The following CPEB3 variants were observed in gnomAD, a reference collection of about 807,000 sequenced individuals.
CPEB3 encodes the protein cytoplasmic polyadenylation element binding protein 3.
CPEB3 carries 20 observed loss-of-function variants against 67.2 expected under a neutral mutation model. That is an observed-to-expected ratio of 0.30 (90% confidence interval 0.21 to 0.43). CPEB3 has a LOEUF of 0.43. CPEB3 is among the 20% of genes least tolerant of loss of function. The pLI is 1.00. For missense variants in CPEB3, 746 were observed against 968.6 expected (o/e 0.77, Z 3.05); for synonymous variants, 376 against 393.1 (o/e 0.96, Z 0.51).
At chr10:92,228,446 T>C (rs1851092170) in intron 2 of CPEB3, among the ~76,000 whole-genome samples, 1 of 152,172 alleles carries the variant, frequency 6.6e-6, no homozygotes, top group Non-Finnish European at 1.5e-5. Flanking sequence ...CATTTACCTC[T>C]CGTCTCCTTT....
At chr10:92,095,600 A>ATAT (rs377039483) in intron 7 of CPEB3, among the ~76,000 whole-genome samples, 17,061 of 122,746 alleles carry the variant, frequency 0.14, 1,243 homozygotes, top group Non-Finnish European at 0.17. Flanking sequence ...ATATATATAT[A>ATAT]TTTTTTTTTT....
In CPEB3 at chr10:92,180,910, C is replaced by T. The variant is rs1210829472; in HGVS notation, c.1222+53G>A. 4 of 915,068 alleles carry T rather than the reference C, an allele frequency of 4.4e-6. No homozygotes were observed. The African/African-American group carries it at 6.5e-5, about 15-fold the overall frequency. 56.7% of individuals were successfully genotyped at this position (915,068 alleles called of 1,614,324 possible). On this transcript the variant is annotated intron_variant, in intron 4 of 9. Coordinates refer to ENST00000265997, the MANE Select transcript of CPEB3 (RefSeq NM_014912.5). ...CCAACAATCAAGAATGTAGAAACTA[C>T]ATGCTGCAAACTTGACTGCTAATTT...
At chr10:92,144,572 A>G (rs1846590873) in intron 5 of CPEB3, among the ~76,000 whole-genome samples, 2 of 152,156 alleles carry the variant, frequency 1.3e-5, no homozygotes, top group African/African-American at 4.8e-5. Context: ...GCCAGTATTT[A>G]TATTAAAATG....
At chr10:92,281,175 A>G (rs1436182674) in intron 1 of CPEB3, among the ~76,000 whole-genome samples, 1 of 151,504 alleles carries the variant, frequency 6.6e-6, no homozygotes, top group Admixed American at 6.6e-5. Context: ...CATTTCTTCA[A>G]ATAATTTTTT....
intron 2 of CPEB3, among the ~76,000 whole-genome samples, chr10:92,227,498 A>ACCT (rs1851034665): frequency 6.6e-6 from 1 of 152,242 alleles, no homozygotes; most frequent in Admixed American, 6.5e-5. Flanking sequence ...CTATATGGGT[A>ACCT]ACAAAAATAC....
chr10:92,277,722 C>T lies in CPEB3; in HGVS notation c.-12+13204G>A, dbSNP rs973392430. On this transcript the variant is annotated intron_variant, in intron 1 of 9. Transcript: ENST00000265997. The stretch of plus-strand genomic sequence containing the variant: ...CGTGGCCAACATGGTGAAACCCCAC[C>T]TCTACTAAAAATACAAAAATCAGCC... Among the ~76,000 whole-genome samples the T allele has an allele frequency of 2.0e-5, 3 of 151,956 alleles. No individual in the cohort carries two copies. In the East Asian group the frequency reaches 5.8e-4, roughly 29 times the overall value.
chr10:92,277,127 C>T (rs1428227838), intron 1 of CPEB3, among the ~76,000 whole-genome samples: 1 of 151,986 alleles, frequency 6.6e-6, no homozygotes, highest in Non-Finnish European at 1.5e-5. Flanking sequence ...TTATCCTTTC[C>T]AGCAAAAAAA....
intron 7 of CPEB3, 38 bp downstream of exon 7, chr10:92,111,038 T>C (rs754409665): frequency 7.6e-7 from 1 of 1,316,146 alleles, no homozygotes; most frequent in Admixed American, 1.7e-5. Context: ...ATAGCATATG[T>C]GCTCTGGAAA....
At chr10:92,164,921 A>G (rs1847665067) in intron 4 of CPEB3, among the ~76,000 whole-genome samples, 1 of 152,160 alleles carries the variant, frequency 6.6e-6, no homozygotes, top group Admixed American at 6.6e-5. Context: ...GTTTTCTACT[A>G]ATTATTACAC....
At chr10:92,111,904 G>A (rs1844762850) in intron 6 of CPEB3, among the ~76,000 whole-genome samples, 1 of 152,066 alleles carries the variant, frequency 6.6e-6, no homozygotes. Flanking sequence ...ACAATAAGCT[G>A]GTGTGCTTTT....
chr10:92,223,010 G>A (rs920474181), intron 2 of CPEB3, among the ~76,000 whole-genome samples: 14 of 152,122 alleles, frequency 9.2e-5, no homozygotes, highest in African/African-American at 3.4e-4. Flanking sequence ...TAAAAGGATG[G>A]CAGGTTTCAT....
At chr10:92,123,131 T>C (rs966406157) in intron 6 of CPEB3, among the ~76,000 whole-genome samples, 8 of 152,198 alleles carry the variant, frequency 5.3e-5, no homozygotes, top group Admixed American at 2.0e-4. Flanking sequence ...GGTAATCTAC[T>C]TCCTGTGTTC....
chr10:92,079,669 A>C (rs1843062981), intron 9 of CPEB3, among the ~76,000 whole-genome samples: 1 of 152,238 alleles, frequency 6.6e-6, no homozygotes, highest in African/African-American at 2.4e-5. Context: ...TTTTGATCGG[A>C]TACATGTCTT....
At chr10:92,273,280 T>G (rs368298539) in intron 1 of CPEB3, among the ~76,000 whole-genome samples, 11 of 152,206 alleles carry the variant, frequency 7.2e-5, no homozygotes, top group Non-Finnish European at 5.9e-5. Context: ...TCTGTTAAAC[T>G]GTATAACAAC....
At chr10:92,230,750 T>C (rs558493729) in intron 2 of CPEB3, among the ~76,000 whole-genome samples, 2 of 152,292 alleles carry the variant, frequency 1.3e-5, no homozygotes, top group East Asian at 3.9e-4. Flanking sequence ...ACCCACAAGG[T>C]ATAAGGACCA....
At chr10:92,156,065 T>C (rs1214024506) in intron 4 of CPEB3, among the ~76,000 whole-genome samples, 1 of 152,156 alleles carries the variant, frequency 6.6e-6, no homozygotes, top group African/African-American at 2.4e-5. Flanking sequence ...GGCCCAGTGT[T>C]AGGCACTAGA....
chr10:92,278,141 C>T (rs186392504), intron 1 of CPEB3, among the ~76,000 whole-genome samples: 5 of 151,508 alleles, frequency 3.3e-5, no homozygotes, highest in African/African-American at 9.7e-5. Flanking sequence ...GCCGAGATTG[C>T]GCCACTGCAC....
chr10:92,103,331 C>T (rs1844284498), intron 7 of CPEB3, among the ~76,000 whole-genome samples: 2 of 152,188 alleles, frequency 1.3e-5, no homozygotes, highest in Non-Finnish European at 2.9e-5. Flanking sequence ...AGAAAAAGCA[C>T]TTTTGAGCAC....
chr10:92,210,285 T>C (rs774996184), intron 2 of CPEB3, among the ~76,000 whole-genome samples: 3 of 152,176 alleles, frequency 2.0e-5, no homozygotes, highest in Non-Finnish European at 4.4e-5. Context: ...CTGGATGCTA[T>C]AAAGATACAA....
Sources: gnomAD v4.1 joint callset for allele counts (sites outside exome capture counted in the v4.1 genomes callset) on GRCh38, gnomAD v4.1.1 for gene constraint, MANE v1.5 for transcripts, NCBI Gene and HGNC (gene_info 2026-07-23, HGNC 2026-07-21) for gene names.